ARFGEF3: variants seen among roughly 807,000 people sequenced by gnomAD.
ARFGEF3 encodes brefeldin A-inhibited guanine nucleotide-exchange protein 3.
Under a neutral mutation model 221.7 loss-of-function variants are expected in ARFGEF3, and 96 were observed. The ratio of observed to expected loss-of-function variants is 0.43; its 90% CI spans 0.37 to 0.51. The LOEUF is 0.51. ARFGEF3 is among the 20% of genes least tolerant of loss of function. ARFGEF3 has a pLI of 0.00. For synonymous variants in ARFGEF3, 1,145 were observed against 1,126.8 expected (o/e 1.02, Z -0.32); for missense variants, 2,410 against 2,789.9 (o/e 0.86, Z 3.07).
intron 1 of ARFGEF3, among the ~76,000 whole-genome samples, chr6:138,165,639 T>A (rs1032284337): frequency 1.4e-5 from 2 of 145,574 alleles, no homozygotes; most frequent in East Asian, 4.2e-4. Context: ...AGGGGTCATT[T>A]TCCTCTGAGA....
chr6:138,207,123 G>C lies in ARFGEF3; in HGVS notation c.219G>C (p.Gln73His). ...CCCAACATGCTTTGGCAGGGATGCA[G>C]GTATGGCTTTGACTGAATGCAATGG... ...KLAQHALAGMQKLLSEERFVS... is the reference protein window; with the variant it reads ...KLAQHALAGMHKLLSEERFVS... Residue 73 changes from glutamine (Q) to histidine (H), a missense_variant and splice_region_variant, in exon 3 of 34, where the codon CAG (glutamine) becomes CAC (histidine). Transcript: ENST00000251691. 6.2e-7 allele frequency: 1 copy of C among 1,609,302 alleles called. No individual in the cohort carries two copies. The highest frequency in any genetic ancestry group is 8.5e-7 in the Non-Finnish European group (1 of 1,177,760).
intron 2 of ARFGEF3, among the ~76,000 whole-genome samples, chr6:138,182,817 T>C (rs1304937740): frequency 6.6e-6 from 1 of 152,204 alleles, no homozygotes; most frequent in African/African-American, 2.4e-5. Flanking sequence ...GAAGAATTAC[T>C]GAGAGAAGAT....
chr6:138,311,305 A>G lies in ARFGEF3; in HGVS notation c.4097-102A>G, dbSNP rs1292700793. 4 of 668,958 alleles carry G rather than the reference A, an allele frequency of 6.0e-6. No individual in the cohort carries two copies. In the East Asian group the frequency reaches 1.1e-4, roughly 18 times the overall value. 41.4% of individuals were successfully genotyped at this position (668,958 alleles called of 1,614,324 possible). ...TCCTTTTCTCCCACTCTCTTTTAAT[A>G]GATATTTGGTGTACTAGTGCTATGT... On this transcript the variant is annotated intron_variant, in intron 24 of 33. Transcript: ENST00000251691.
intron 2 of ARFGEF3, among the ~76,000 whole-genome samples, chr6:138,184,591 G>A (rs1203332843): frequency 6.6e-6 from 1 of 152,220 alleles, no homozygotes; most frequent in African/African-American, 2.4e-5. Context: ...AAAGGGCCCA[G>A]CTTGTCCTTG....
At chr6:138,192,595 G>C (rs187670295) in intron 2 of ARFGEF3, among the ~76,000 whole-genome samples, 7 of 152,320 alleles carry the variant, frequency 4.6e-5, no homozygotes, top group Admixed American at 4.6e-4. Context: ...CTAAGGGCTG[G>C]CCATGAAGCA....
At position 138,296,913 on chromosome 6, in the gene ARFGEF3, C is replaced by T. The variant is rs141578002; in HGVS notation, c.3606C>T (p.His1202=). ...IVRSKARPLL[H]VMRCWSLVAP... ...GGAGCAAAGCACGGCCCCTGCTCCA[C>T]GTGATGCGCTGCTGGAGCCTTGTGG... is the stretch of plus-strand genomic sequence containing the variant. Residue 1202 remains histidine (H), a synonymous_variant, in exon 21 of 34, where the codon CAC becomes CAT. Coordinates refer to ENST00000251691, the MANE Select transcript of ARFGEF3 (RefSeq NM_020340.5). The T allele has an allele frequency of 2.2e-4, 349 of 1,613,800 alleles. No individual in the cohort carries two copies. Among genetic ancestry groups the T allele is most frequent in the Non-Finnish European group, 2.8e-4 (330 of 1,179,872 alleles).
rs780524234 is a variant in ARFGEF3, at chr6:138,335,073, T to C, written c.6227T>C (p.Met2076Thr). The part of the protein sequence containing the change: ...RPQHLMDQGQ[M>T]RHSFSAGPEL... ...CAGCACTTGATGGACCAAGGGCAAA[T>C]GCGGCATTCCTTCAGCGCAGGCCCC... is the stretch of plus-strand genomic sequence containing the variant. The change falls in exon 33 of 34, where the codon ATG becomes ACG. Residue 2076 changes from methionine (M) to threonine (T), a missense_variant. By Grantham distance (81) the Met-to-Thr change is moderately conservative. This residue lies in a region of ARFGEF3 where 339 missense variants were observed against 334.9 expected (regional missense o/e 1.01). Transcript: ENST00000251691. The C allele has an allele frequency of 1.2e-6, 2 of 1,600,386 alleles. No individual in the cohort carries two copies. The highest frequency in any genetic ancestry group is 2.3e-5 in the East Asian group (1 of 44,270).
Position 138,175,424 on chromosome 6 carries a change from G to A in ARFGEF3, c.137+4711G>A, listed in dbSNP as rs548389822. Among the ~76,000 whole-genome samples the A allele has an allele frequency of 1.4e-4, 21 of 152,180 alleles. 1 individual carries two copies. The highest frequency in any genetic ancestry group is 4.6e-4 in the African/African-American group (19 of 41,512). ...TCAAGGTCTCCTTACATGCATCTTT[G>A]CAGGGTTGAATAAATCTATGAATTA... On this transcript the variant is annotated intron_variant, in intron 2 of 33. Transcript: ENST00000251691.
At chr6:138,254,259 A>G (rs1261043319) in intron 9 of ARFGEF3, among the ~76,000 whole-genome samples, 1 of 151,910 alleles carries the variant, frequency 6.6e-6, no homozygotes, top group Non-Finnish European at 1.5e-5. Context: ...TCTCCTAAAA[A>G]TACAAAAATA....
chr6:138,250,808 C>G (rs1778568032), intron 8 of ARFGEF3, among the ~76,000 whole-genome samples: 1 of 152,226 alleles, frequency 6.6e-6, no homozygotes, highest in South Asian at 2.1e-4. Flanking sequence ...GAAATGCTCA[C>G]AGAAAAGACC....
chr6:138,271,447 T>C (rs912756537), intron 12 of ARFGEF3, among the ~76,000 whole-genome samples: 1 of 152,200 alleles, frequency 6.6e-6, no homozygotes, highest in African/African-American at 2.4e-5. Context: ...TAATAATAGC[T>C]AATCTAACAT....
intron 32 of ARFGEF3, among the ~76,000 whole-genome samples, chr6:138,333,098 A>T (rs7775981): frequency 0.21 from 32,018 of 152,236 alleles, 7,118 homozygotes; most frequent in African/African-American, 0.57. Flanking sequence ...TATAATGGCC[A>T]CAACTATTTT....
intron 6 of ARFGEF3, among the ~76,000 whole-genome samples, chr6:138,240,147 A>G (rs978478176): frequency 6.6e-6 from 1 of 152,178 alleles, no homozygotes; most frequent in Admixed American, 6.5e-5. Context: ...AATTTTATTT[A>G]TAGTAGGATT....
At chr6:138,246,521 T>A (rs1251703320) in intron 8 of ARFGEF3, among the ~76,000 whole-genome samples, 1 of 152,220 alleles carries the variant, frequency 6.6e-6, no homozygotes, top group African/African-American at 2.4e-5. Flanking sequence ...AAATTTAGGA[T>A]TTTTTAAAGC....
Position 138,269,353 on chromosome 6 carries a change from G to A in ARFGEF3, c.2128+5742G>A, listed in dbSNP as rs78180403. On this transcript the variant is annotated intron_variant, in intron 12 of 33. Transcript: ENST00000251691. The stretch of plus-strand genomic sequence containing the variant: ...TATGCCGTTACCAGCCTCAGTTTTT[G>A]GCTCTGTGGTTTAAACACCTCAAAA... Among the ~76,000 whole-genome samples the A allele has an allele frequency of 6.4e-3, 969 of 152,330 alleles. 14 individuals are homozygous for A. The highest frequency in any genetic ancestry group is 0.022 in the African/African-American group (894 of 41,564).
chr6:138,187,685 T>C (rs1213872870), intron 2 of ARFGEF3, among the ~76,000 whole-genome samples: 2 of 152,220 alleles, frequency 1.3e-5, no homozygotes, highest in Admixed American at 6.5e-5. Flanking sequence ...TGTCTTTCAG[T>C]GCAGTTCCTG....
At chr6:138,296,296 T>G (rs1779519099) in intron 20 of ARFGEF3, among the ~76,000 whole-genome samples, 1 of 152,176 alleles carries the variant, frequency 6.6e-6, no homozygotes. Flanking sequence ...AAGGTGACAG[T>G]AACAAGAGTA....
Position 138,207,038 on chromosome 6 carries a change from C to G in ARFGEF3, c.138-4C>G. On this transcript the variant is annotated splice_region_variant and splice_polypyrimidine_tract_variant and intron_variant, in intron 2 of 33. Transcript: ENST00000251691. ...CATGTTGTCCTTATTTTTGTGTTTGCCAGGGAGAAATGCCTGCTGCCTCTC... is the reference window on the plus strand; with the variant it reads ...CATGTTGTCCTTATTTTTGTGTTTGGCAGGGAGAAATGCCTGCTGCCTCTC... The G allele has an allele frequency of 6.2e-7, 1 of 1,605,014 alleles. No homozygotes were observed. Among genetic ancestry groups the G allele is most frequent in the Middle Eastern group, 1.7e-4 (1 of 6,058 alleles).
In ARFGEF3 at chr6:138,313,938, C is replaced by A. The variant is rs764430979; in HGVS notation, c.4344C>A (p.Thr1448=). The change falls in exon 26 of 34, where the codon ACC becomes ACA. Residue 1448 remains threonine (T), a splice_region_variant and synonymous_variant. Coordinates refer to ENST00000251691, the MANE Select transcript of ARFGEF3 (RefSeq NM_020340.5). ...ESVLSDFDDD[T]GLIEVWIILL... is the part of the protein sequence containing the mutation. ...TCCTGTCTGATTTTGATGATGACAC[C>A]GGTAAGCTAATTGATTGGACTAAAC... The A allele has an allele frequency of 8.1e-6, 13 of 1,613,358 alleles. No homozygotes were observed. Among genetic ancestry groups the A allele is most frequent in the South Asian group, 6.6e-5 (6 of 90,930 alleles).
Sources: gnomAD v4.1 joint callset for allele counts (sites outside exome capture counted in the v4.1 genomes callset) on GRCh38, gnomAD v4.1.1 for gene constraint, gnomAD v4.1.1 regional missense constraint, MANE v1.5 for transcripts, NCBI Gene and HGNC (gene_info 2026-07-23, HGNC 2026-07-21) for gene names.